PUDP: variants seen among roughly 807,000 people sequenced by gnomAD.
The protein encoded by PUDP is pseudouridine 5'-phosphatase.
In PUDP, 8 loss-of-function variants were observed where a neutral mutation model predicts 9.4. The observed-to-expected ratio is 0.85, with a 90% CI of 0.50 to 1.53. PUDP has a LOEUF of 1.53. Ranked by LOEUF, PUDP falls within the 40% of genes most tolerant of loss-of-function variation. The pLI is 0.00. For synonymous variants in PUDP, 99 were observed against 80.7 expected, an observed-to-expected ratio of 1.23 and a Z score of -1.22; for missense variants, 188 against 189.7, an observed-to-expected ratio of 0.99 and a Z score of 0.05.
intron 3 of PUDP, among the ~76,000 whole-genome samples, chrX:6,746,376 T>C (rs774968441): frequency 1.2e-4 from 13 of 112,387 alleles, no homozygotes; most frequent in Non-Finnish European, 2.1e-4. Context: ...GGGCACTATA[T>C]TTGATTTGCC....
At position 6,894,715 on chromosome X, in the gene PUDP, T is replaced by TG. The variant is rs935388460; in HGVS notation, c.*247+82417dup. ...CAGGACAGCAGAGCCAAGGATGGTGTGGGGGGGTTGGTTTTGATCTCTCAA... is the reference window on the plus strand; with the variant it reads ...CAGGACAGCAGAGCCAAGGATGGTGTGGGGGGGGTTGGTTTTGATCTCTCAA... On this transcript the variant is annotated intron_variant and NMD_transcript_variant, in intron 3 of 3. Transcript: ENST00000655425. 8.1e-5 allele frequency among the ~76,000 whole-genome samples: 9 copies of TG among 110,923 alleles called. No individual in the cohort carries two copies. The South Asian group carries it at 1.6e-3, about 19-fold the overall frequency.
intron 1 of PUDP, among the ~76,000 whole-genome samples, chrX:6,982,573 A>G (rs1929050974): frequency 9.0e-6 from 1 of 111,579 alleles, no homozygotes; most frequent in Non-Finnish European, 1.9e-5. Flanking sequence ...TCAAAAGGCC[A>G]ATCTTAGGTT....
At chrX:7,115,379 T>A (rs1932165097) in intron 1 of PUDP, among the ~76,000 whole-genome samples, 1 of 112,564 alleles carries the variant, frequency 8.9e-6, no homozygotes, top group Non-Finnish European at 1.9e-5. Flanking sequence ...CTGAAACTTT[T>A]ACATCGCTAT....
chrX:7,051,204 A>C (rs1315532472), intron 3 of PUDP, among the ~76,000 whole-genome samples: 3 of 111,685 alleles, frequency 2.7e-5, no homozygotes, highest in Non-Finnish European at 5.6e-5. Context: ...ACACCATGGA[A>C]TACTACTCAG....
chrX:7,036,653 C>T (rs2146828846), intron 1 of PUDP, among the ~76,000 whole-genome samples: 1 of 110,575 alleles, frequency 9.0e-6, no homozygotes, highest in Non-Finnish European at 1.9e-5. Flanking sequence ...GGTGTCTCAT[C>T]TCCTTTTTGC....
At chrX:7,087,571 C>T (rs919267793) in intron 2 of PUDP, among the ~76,000 whole-genome samples, 7 of 112,195 alleles carry the variant, frequency 6.2e-5, no homozygotes, top group Admixed American at 9.4e-5. Context: ...GTGAGATGAC[C>T]TTAAACCATC....
chrX:6,849,737 T>C (rs1191444340), intron 3 of PUDP, among the ~76,000 whole-genome samples: 2 of 111,886 alleles, frequency 1.8e-5, no homozygotes, highest in Admixed American at 9.5e-5. Flanking sequence ...GAACCTACCA[T>C]AGAAAGGAGG....
rs1049184787 is a variant in PUDP, at chrX:6,706,751, A to G, written n.129-285T>C. Among the ~76,000 whole-genome samples the G allele has an allele frequency of 2.7e-5, 3 of 111,646 alleles. No individual in the cohort carries two copies. The South Asian group carries it at 1.2e-3, about 43-fold the overall frequency. Reference sequence around the variant, plus strand: ...TGCCAGCTGCCTAAAAGCAAAACAAATTTTGCCTTGCTTCCCTTCTTCCCG... The same window carrying G: ...TGCCAGCTGCCTAAAAGCAAAACAAGTTTTGCCTTGCTTCCCTTCTTCCCG... On this transcript the variant is annotated intron_variant and non_coding_transcript_variant, in intron 1 of 2. Transcript: ENST00000438499.
upstream of PUDP, among the ~76,000 whole-genome samples, chrX:6,724,091 C>T (rs936871255): frequency 1.1e-4 from 12 of 111,647 alleles, no homozygotes; most frequent in African/African-American, 3.6e-4. Flanking sequence ...TTTCCCCTTA[C>T]ATTTTATTTC....
At chrX:6,750,771 A>C (rs145644991) in intron 3 of PUDP, among the ~76,000 whole-genome samples, 138 of 112,133 alleles carry the variant, frequency 1.2e-3, no homozygotes, top group African/African-American at 4.3e-3. Flanking sequence ...TTCAACAGGA[A>C]GACCTGAAGG....
At chrX:7,114,052 C>G (rs977512719) in intron 1 of PUDP, among the ~76,000 whole-genome samples, 2 of 89,548 alleles carry the variant, frequency 2.2e-5, no homozygotes, top group Non-Finnish European at 4.5e-5. Flanking sequence ...TCAGGTCTCT[C>G]TCTCTCTCTC....
At chrX:6,740,792 C>T (rs1272185265) in intron 3 of PUDP, among the ~76,000 whole-genome samples, 1 of 111,797 alleles carries the variant, frequency 8.9e-6, no homozygotes, top group African/African-American at 3.3e-5. Flanking sequence ...CACACTTTCA[C>T]GACATCTTAT....
intron 1 of PUDP, among the ~76,000 whole-genome samples, chrX:6,714,664 T>C (rs1257691277): frequency 9.0e-6 from 1 of 111,324 alleles, no homozygotes; most frequent in East Asian, 2.8e-4. Context: ...AGATGATTGA[T>C]AGATGTGATA....
intron 2 of PUDP, among the ~76,000 whole-genome samples, chrX:6,706,189 T>A (rs1924467348): frequency 9.1e-6 from 1 of 110,406 alleles, no homozygotes; most frequent in East Asian, 2.9e-4. Flanking sequence ...GGGAAAGGAG[T>A]GATGAGGAGT....
Position 7,148,102 on chromosome X carries a change from G to A in PUDP, c.12C>T (p.Pro4=), listed in dbSNP as rs1325908572. 2.6e-6 allele frequency: 3 copies of A among 1,133,122 alleles called. No individual in the cohort carries two copies. The highest frequency in any genetic ancestry group is 3.7e-5 in the East Asian group (1 of 27,132). The allele number at this position is 1,133,122 out of a possible 1,213,427, so 93.4% of individuals were successfully genotyped here. A position where few individuals can be genotyped will look rare whatever the true frequency, so the allele number is the denominator to read the frequency against. ...AGATGAGGTGGGTGACGGGCTGCGG[G>A]GGCGCCGCCATGGTGGCGCCTTCTG... MAA[P]PQPVTHLIFD... The change falls in exon 1 of 4, where the codon CCC becomes CCT. Residue 4 remains proline, a synonymous_variant. Transcript: ENST00000381077.
intron 2 of PUDP, among the ~76,000 whole-genome samples, chrX:7,077,838 T>C (rs888363018): frequency 1.8e-5 from 2 of 112,369 alleles, no homozygotes; most frequent in African/African-American, 6.5e-5. Context: ...AGGGCCTCGC[T>C]GAACCATACT....
chrX:6,964,521 A>C (rs1928754238), intron 3 of PUDP, among the ~76,000 whole-genome samples: 1 of 110,632 alleles, frequency 9.0e-6, no homozygotes, highest in Admixed American at 9.7e-5. Context: ...AAAAATTTTA[A>C]AAATTAGCTG....
chrX:7,057,671 G>T (rs1336237301), intron 3 of PUDP: 3 of 1,147,768 alleles, frequency 2.6e-6, no homozygotes, highest in Non-Finnish European at 3.5e-6. Flanking sequence ...AAGGCTCGGG[G>T]TCTCCATGCA....
intron 3 of PUDP, among the ~76,000 whole-genome samples, chrX:6,880,620 G>A (rs970176575): frequency 8.9e-6 from 1 of 112,058 alleles, no homozygotes; most frequent in Non-Finnish European, 1.9e-5. Flanking sequence ...TCTATGTCTG[G>A]TATGGAGCAC....
Sources: gnomAD v4.1 joint callset for allele counts (sites outside exome capture counted in the v4.1 genomes callset) on GRCh38, gnomAD v4.1.1 for gene constraint, MANE v1.5 for transcripts, NCBI Gene and HGNC (gene_info 2026-07-23, HGNC 2026-07-21) for gene names.